APOOL: variants seen among roughly 807,000 people sequenced by gnomAD.
APOOL encodes MICOS complex subunit MIC27.
In APOOL, 12 loss-of-function variants were observed where a neutral mutation model predicts 23.1. The observed-to-expected ratio is 0.52, with a 90% CI of 0.33 to 0.84. APOOL has a LOEUF of 0.84. APOOL is among the 40% of genes least tolerant of loss of function. The pLI is 0.02. For synonymous variants in APOOL, 77 were observed against 69.9 expected (o/e 1.10, Z -0.51); for missense variants, 212 against 199.6 (o/e 1.06, Z -0.37).
chrX:85,005,869 G>C (rs981593301), intron 1 of APOOL, among the ~76,000 whole-genome samples: 1 of 112,160 alleles, frequency 8.9e-6, no homozygotes, highest in African/African-American at 3.2e-5. Context: ...AGAAGGTGCA[G>C]AGACAGAAGG....
At chrX:85,046,595 T>A in intron 2 of APOOL, 45 bp downstream of exon 2, 1 of 1,016,524 alleles carries the variant, frequency 9.8e-7, no homozygotes, top group Non-Finnish European at 1.4e-6. Flanking sequence ...AATATCAAGA[T>A]GACACAAAAG....
In APOOL at chrX:85,088,383, A is replaced by G. The variant is rs1259181474; in HGVS notation, c.*705A>G. 2 of 64,393 alleles carry G rather than the reference A, an allele frequency of 3.1e-5. No homozygotes were observed. The highest frequency in any genetic ancestry group is 1.3e-4 in the African/African-American group (2 of 14,865). The allele number at this position is 64,393 out of a possible 1,213,427, so 5.3% of individuals were successfully genotyped here. ...AGCTGGAATAAAATATCCATGTTTT[A>G]TGGGACTTGAGCTTGGCTTTGTCCC... is the stretch of plus-strand genomic sequence containing the variant. On this transcript the variant is annotated 3_prime_UTR_variant, in exon 9 of 9. Coordinates refer to ENST00000373173, the MANE Select transcript of APOOL (RefSeq NM_198450.6).
At chrX:85,053,532 C>G (rs1289215778) in intron 3 of APOOL, among the ~76,000 whole-genome samples, 1 of 111,106 alleles carries the variant, frequency 9.0e-6, no homozygotes, top group Non-Finnish European at 1.9e-5. Context: ...TGTTTTTATC[C>G]CATGGTTTCA....
At chrX:85,055,037 G>A (rs948706058) in intron 4 of APOOL, among the ~76,000 whole-genome samples, 1 of 111,748 alleles carries the variant, frequency 8.9e-6, no homozygotes, top group Non-Finnish European at 1.9e-5. Flanking sequence ...GCTTATGCCA[G>A]TTGTCATAAT....
chrX:85,055,902 C>A lies in APOOL; in HGVS notation c.371C>A (p.Ala124Glu), dbSNP rs774166758. ...GGAGTTATTACAGTTTCAGGATTGG[C>A]GGGCTTGGTTTCAGCGAGAAAAGGT... is the stretch of plus-strand genomic sequence containing the variant. ...KMGVITVSGL[A>E]GLVSARKGSK... The change falls in exon 5 of 9, where the codon GCG (alanine) becomes GAG (glutamate). Residue 124 changes from alanine to glutamate, a missense_variant. Transcript: ENST00000373173. 3 of 1,195,072 alleles carry A rather than the reference C, an allele frequency of 2.5e-6. No homozygotes were observed. The highest frequency in any genetic ancestry group is 3.4e-6 in the Non-Finnish European group (3 of 888,249).
At chrX:85,042,307 T>C (rs1205583610) in intron 1 of APOOL, among the ~76,000 whole-genome samples, 1 of 111,769 alleles carries the variant, frequency 8.9e-6, no homozygotes, top group Non-Finnish European at 1.9e-5. Flanking sequence ...AAAGGATCAT[T>C]AGTGGCTGCT....
At chrX:85,029,477 C>CT (rs983011924) in intron 1 of APOOL, among the ~76,000 whole-genome samples, 1 of 111,226 alleles carries the variant, frequency 9.0e-6, no homozygotes, top group African/African-American at 3.3e-5. Context: ...TAGAAGAATT[C>CT]TTTTTTTTCC....
At chrX:85,082,017 C>G (rs1307418159) in intron 8 of APOOL, among the ~76,000 whole-genome samples, 1 of 111,501 alleles carries the variant, frequency 9.0e-6, no homozygotes, top group Admixed American at 9.6e-5. Flanking sequence ...TTTTAACTTC[C>G]TTGCGGTGGG....
At chrX:85,079,957 T>C (rs1214146880) in intron 8 of APOOL, among the ~76,000 whole-genome samples, 1 of 111,945 alleles carries the variant, frequency 8.9e-6, no homozygotes, top group East Asian at 2.8e-4. Flanking sequence ...CATTTTTTAT[T>C]GCATCTATTT....
Position 85,088,156 on chromosome X carries a change from A to G in APOOL, c.*478A>G, listed in dbSNP as rs376824519. 7 of 774 alleles carry G rather than the reference A, an allele frequency of 9.0e-3. No individual in the cohort carries two copies. The highest frequency in any genetic ancestry group is 0.043 in the Admixed American group (2 of 46). 0.1% of individuals were successfully genotyped at this position (774 alleles called of 1,213,427 possible). ...TATTTATACATATATGTATAAATAC[A>G]TACATATTTATACATATATGTATAA... On this transcript the variant is annotated 3_prime_UTR_variant, in exon 9 of 9. Transcript: ENST00000373173.
At chrX:85,071,895 C>G (rs1358923434) in intron 6 of APOOL, among the ~76,000 whole-genome samples, 1 of 111,923 alleles carries the variant, frequency 8.9e-6, no homozygotes. Flanking sequence ...GAGATCGAGA[C>G]CATCCTGGCT....
intron 4 of APOOL, among the ~76,000 whole-genome samples, chrX:85,054,864 T>C (rs186414112): frequency 9.8e-5 from 11 of 111,806 alleles, no homozygotes; most frequent in African/African-American, 3.6e-4. Flanking sequence ...GTTTAAGTGC[T>C]ACTTGCTGTT....
At chrX:85,077,632 A>G (rs1923909893) in intron 8 of APOOL, among the ~76,000 whole-genome samples, 1 of 111,540 alleles carries the variant, frequency 9.0e-6, no homozygotes, top group African/African-American at 3.3e-5. Flanking sequence ...CAGTAATGGG[A>G]TGGCTGGGTC....
intron 8 of APOOL, among the ~76,000 whole-genome samples, chrX:85,080,978 A>T (rs758472092): frequency 7.5e-5 from 8 of 106,748 alleles, no homozygotes; most frequent in African/African-American, 2.5e-4. Context: ...TTTTGAGCCT[A>T]TGTGTGTCTC....
intron 5 of APOOL, among the ~76,000 whole-genome samples, chrX:85,060,315 G>C (rs1923159164): frequency 9.4e-6 from 1 of 106,320 alleles, no homozygotes; most frequent in African/African-American, 3.5e-5. Context: ...GTAGCGTGAT[G>C]CCTCCAGCTT....
At chrX:85,064,116 G>T (rs1923346317) in intron 5 of APOOL, among the ~76,000 whole-genome samples, 1 of 110,779 alleles carries the variant, frequency 9.0e-6, no homozygotes, top group Non-Finnish European at 1.9e-5. Context: ...GGGTGTATGT[G>T]TCCAGAAATT....
In APOOL at chrX:85,038,532, T is replaced by G. The variant is rs1425415343; in HGVS notation, c.16-7914T>G. Among the ~76,000 whole-genome samples, 4 of 99,410 alleles carry G rather than the reference T, an allele frequency of 4.0e-5. No homozygotes were observed. In the East Asian group the frequency reaches 9.1e-4, roughly 23 times the overall value. 86.3% of individuals were successfully genotyped at this position (99,410 alleles called of 115,157 possible). On this transcript the variant is annotated intron_variant, in intron 1 of 8. Coordinates refer to ENST00000373173, the MANE Select transcript of APOOL (RefSeq NM_198450.6). ...GAATCTATCTGGTACAAGTTTTTTT[T>G]TTTTTTTTTTTTTTTTTTCTGGTTG...
rs772134482 is a variant in APOOL, at chrX:85,060,553, A to C, written c.394+4628A>C. ...ATTTGTTTGTATCCTCTTTTATTTC[A>C]TTGAGCAGTGGTTTGTAGTTTTCCT... is the stretch of plus-strand genomic sequence containing the variant. On this transcript the variant is annotated intron_variant, in intron 5 of 8. Transcript: ENST00000373173. Among the ~76,000 whole-genome samples, 396 of 110,014 alleles carry C rather than the reference A, an allele frequency of 3.6e-3. 1 individual carries two copies. Among genetic ancestry groups the C allele is most frequent in the African/African-American group, 0.012 (361 of 30,163 alleles).
intron 1 of APOOL, among the ~76,000 whole-genome samples, chrX:85,040,399 C>T (rs1479485480): frequency 9.0e-6 from 1 of 111,652 alleles, no homozygotes. Flanking sequence ...TATACTGTCT[C>T]ACATGGCTTC....
Sources: gnomAD v4.1 joint callset for allele counts (sites outside exome capture counted in the v4.1 genomes callset) on GRCh38, gnomAD v4.1.1 for gene constraint, MANE v1.5 for transcripts, NCBI Gene and HGNC (gene_info 2026-07-23, HGNC 2026-07-21) for gene names.